FSTL4: variants seen among roughly 807,000 people sequenced by gnomAD.
FSTL4 encodes the protein follistatin-related protein 4.
FSTL4 carries 28 observed loss-of-function variants against 78.2 expected under a neutral mutation model. The observed-to-expected ratio is 0.36, with a 90% confidence interval of 0.27 to 0.49. FSTL4 has a LOEUF of 0.49. FSTL4 is among the 20% of genes least tolerant of loss of function. FSTL4 has a pLI of 0.98. For missense variants in FSTL4, 922 were observed against 1,084.9 expected (o/e 0.85, Z 2.11); for synonymous variants, 422 against 440.5 (o/e 0.96, Z 0.53).
chr5:133,642,793 T>C, the FSTL4 span, among the ~76,000 whole-genome samples: 3 of 152,204 alleles, frequency 2.0e-5, no homozygotes, highest in Non-Finnish European at 4.4e-5. Context: ...AATGTTGACA[T>C]GTACAACAAG....
chr5:133,539,949 GT>G lies in FSTL4; in HGVS notation c.160+27236del, dbSNP rs10623473. Among the ~76,000 whole-genome samples, 380 of 147,198 alleles carry G rather than the reference GT, an allele frequency of 2.6e-3. 1 individual carries two copies. Among genetic ancestry groups the G allele is most frequent in the African/African-American group, 8.0e-3 (322 of 40,204 alleles). ...CATTTTACTGGATGTTTCTGTGAAG[GT>G]TTTTTTTTTTTCTTTGATGAGGTAA... is the stretch of plus-strand genomic sequence containing the variant. On this transcript the variant is annotated intron_variant, in intron 3 of 15. Transcript: ENST00000265342.
At chr5:133,723,135 G>A in the FSTL4 span, among the ~76,000 whole-genome samples, 77 of 152,326 alleles carry the variant, frequency 5.1e-4, 1 homozygote, top group African/African-American at 1.7e-3. Flanking sequence ...TGAAAATACT[G>A]TGGCACCTGG....
At chr5:133,276,318 G>C (rs896913998) in intron 6 of FSTL4, among the ~76,000 whole-genome samples, 3 of 152,218 alleles carry the variant, frequency 2.0e-5, no homozygotes, top group African/African-American at 7.2e-5. Flanking sequence ...GGCACGCGTA[G>C]GTGGCTCCTC....
chr5:133,758,569 C>G, the FSTL4 span, among the ~76,000 whole-genome samples: 1 of 152,072 alleles, frequency 6.6e-6, no homozygotes, highest in Non-Finnish European at 1.5e-5. Context: ...AGTAAAAATC[C>G]TAAGGGATAT....
At chr5:133,330,620 C>G (rs1401115429) in intron 4 of FSTL4, among the ~76,000 whole-genome samples, 1 of 152,110 alleles carries the variant, frequency 6.6e-6, no homozygotes, top group Non-Finnish European at 1.5e-5. Flanking sequence ...TTTCAGGGTA[C>G]AAATATCCAA....
chr5:133,312,982 A>T (rs1026675674), intron 5 of FSTL4, among the ~76,000 whole-genome samples: 2 of 152,182 alleles, frequency 1.3e-5, no homozygotes. Flanking sequence ...TGGCTTCCCC[A>T]GGTTCACACA....
At chr5:133,404,594 G>A (rs1756311958) in intron 3 of FSTL4, among the ~76,000 whole-genome samples, 1 of 152,212 alleles carries the variant, frequency 6.6e-6, no homozygotes, top group Admixed American at 6.5e-5. Flanking sequence ...TGGTGCTGAA[G>A]ACTCCCTCTG....
At chr5:133,722,224 C>T in the FSTL4 span, among the ~76,000 whole-genome samples, 1 of 152,026 alleles carries the variant, frequency 6.6e-6, no homozygotes, top group Non-Finnish European at 1.5e-5. Flanking sequence ...AGTGCAAACC[C>T]TATAGTGAAC....
At chr5:133,370,804 G>A (rs1337144783) in intron 4 of FSTL4, among the ~76,000 whole-genome samples, 1 of 152,166 alleles carries the variant, frequency 6.6e-6, no homozygotes, top group Non-Finnish European at 1.5e-5. Context: ...TCAGGAATGA[G>A]AAGAAGGAAA....
At chr5:133,310,195 T>C (rs1481753703) in intron 6 of FSTL4, among the ~76,000 whole-genome samples, 1 of 152,156 alleles carries the variant, frequency 6.6e-6, no homozygotes, top group African/African-American at 2.4e-5. Context: ...TTAATGGCTG[T>C]GAGTTTACGT....
intron 4 of FSTL4, among the ~76,000 whole-genome samples, chr5:133,355,619 G>A (rs1251224896): frequency 3.3e-5 from 5 of 152,178 alleles, no homozygotes; most frequent in African/African-American, 1.2e-4. Context: ...TCGTGCCACT[G>A]CACTCCAGCC....
At chr5:133,551,380 CAATT>C (rs1442466338) in intron 3 of FSTL4, among the ~76,000 whole-genome samples, 7 of 152,126 alleles carry the variant, frequency 4.6e-5, no homozygotes, top group Admixed American at 6.5e-5. Flanking sequence ...ACAAAGCAAA[CAATT>C]AAGACTATTT....
Position 133,417,915 on chromosome 5 carries a change from C to T in FSTL4, c.161-16929G>A, listed in dbSNP as rs547238263. Among the ~76,000 whole-genome samples, 10 of 138,316 alleles carry T rather than the reference C, an allele frequency of 7.2e-5. No individual in the cohort carries two copies. The East Asian group carries it at 1.3e-3, about 18-fold the overall frequency. 90.7% of individuals were successfully genotyped at this position (138,316 alleles called of 152,430 possible). ...CGGAGGTTGCAGTGAGCTGAGATTG[C>T]GCCACTGCACTCCAGCCTGGGTGAC... is the stretch of plus-strand genomic sequence containing the variant. On this transcript the variant is annotated intron_variant, in intron 3 of 15. Coordinates refer to ENST00000265342, the MANE Select transcript of FSTL4 (RefSeq NM_015082.2).
chr5:133,811,201 C>A, the FSTL4 span, among the ~76,000 whole-genome samples: 1 of 152,264 alleles, frequency 6.6e-6, no homozygotes, highest in South Asian at 2.1e-4. Context: ...CTGATATAGA[C>A]AATTAGCAAG....
At chr5:133,767,759 T>C in the FSTL4 span, among the ~76,000 whole-genome samples, 1 of 152,170 alleles carries the variant, frequency 6.6e-6, no homozygotes, top group Non-Finnish European at 1.5e-5. Flanking sequence ...CCATCAATAA[T>C]GCTCCCATGG....
intron 3 of FSTL4, among the ~76,000 whole-genome samples, chr5:133,497,900 A>C (rs1236400697): frequency 6.6e-6 from 1 of 152,156 alleles, no homozygotes; most frequent in Non-Finnish European, 1.5e-5. Context: ...TTTTATCTAG[A>C]AGGTGCTTCT....
the FSTL4 span, among the ~76,000 whole-genome samples, chr5:133,831,239 G>A: frequency 6.6e-6 from 1 of 152,154 alleles, no homozygotes; most frequent in Admixed American, 6.5e-5. Context: ...CATAGCCCCT[G>A]GTCCAACCTC....
chr5:133,315,470 C>A (rs1753882378), intron 5 of FSTL4, among the ~76,000 whole-genome samples: 1 of 152,230 alleles, frequency 6.6e-6, no homozygotes, highest in Non-Finnish European at 1.5e-5. Flanking sequence ...GCACTCCCCA[C>A]CCCACTTCTT....
At chr5:133,734,953 G>T in the FSTL4 span, among the ~76,000 whole-genome samples, 562 of 152,244 alleles carry the variant, frequency 3.7e-3, 2 homozygotes, top group Non-Finnish European at 6.3e-3. Flanking sequence ...AATGAACAGC[G>T]GGCTGTGCAA....
Sources: gnomAD v4.1 joint callset for allele counts (sites outside exome capture counted in the v4.1 genomes callset) on GRCh38, gnomAD v4.1.1 for gene constraint, MANE v1.5 for transcripts, NCBI Gene and HGNC (gene_info 2026-07-23, HGNC 2026-07-21) for gene names.